NALF1: variants seen among roughly 807,000 people sequenced by gnomAD.
The protein encoded by NALF1 is family with sequence similarity 155 member A.
Under a neutral mutation model 48.4 loss-of-function variants are expected in NALF1, and 3 were observed. The observed-to-expected ratio is 0.06, with a 90% CI of 0.03 to 0.16. NALF1 has a LOEUF of 0.16. Ranked by LOEUF, NALF1 falls within the 10% of genes least tolerant of loss-of-function variation. The pLI, the probability that NALF1 is intolerant of heterozygous loss-of-function variation, is 1.00. For synonymous variants in NALF1, 262 were observed against 245.7 expected, an observed-to-expected ratio of 1.07 and a Z score of -0.62; for missense variants, 526 against 571.5, an observed-to-expected ratio of 0.92 and a Z score of 0.81.
chr13:107,192,643 A>G (rs557218221), intron 2 of NALF1, among the ~76,000 whole-genome samples: 1 of 139,516 alleles, frequency 7.2e-6, no homozygotes, highest in South Asian at 2.4e-4. Flanking sequence ...GTTGCCTTTA[A>G]CCATATCTAT....
At chr13:107,178,726 G>C (rs546615014) in intron 2 of NALF1, among the ~76,000 whole-genome samples, 1 of 152,124 alleles carries the variant, frequency 6.6e-6, no homozygotes, top group African/African-American at 2.4e-5. Flanking sequence ...GGCGGATCAC[G>C]AGGTCAGGAG....
At chr13:107,505,571 T>C (rs1875671273) in intron 1 of NALF1, among the ~76,000 whole-genome samples, 1 of 152,108 alleles carries the variant, frequency 6.6e-6, no homozygotes, top group Admixed American at 6.6e-5. Context: ...GAGAAAGTCA[T>C]GGATGACTGC....
intron 2 of NALF1, among the ~76,000 whole-genome samples, chr13:107,198,386 A>G (rs1419573178): frequency 6.6e-6 from 1 of 152,206 alleles, no homozygotes; most frequent in Non-Finnish European, 1.5e-5. Context: ...TTTACTTTAC[A>G]ATTAAAGACT....
intron 1 of NALF1, among the ~76,000 whole-genome samples, chr13:107,468,841 T>C (rs1411922821): frequency 2.6e-5 from 4 of 152,176 alleles, no homozygotes; most frequent in African/African-American, 9.6e-5. Flanking sequence ...ATAATTATTT[T>C]ATAGGTGTAT....
At chr13:107,205,908 T>C (rs1252039904) in intron 2 of NALF1, among the ~76,000 whole-genome samples, 3 of 152,000 alleles carry the variant, frequency 2.0e-5, no homozygotes, top group Non-Finnish European at 2.9e-5. Context: ...CAGGGGACTC[T>C]GGAATGAGGC....
intron 1 of NALF1, among the ~76,000 whole-genome samples, chr13:107,823,870 T>C (rs375038555): frequency 8.5e-5 from 13 of 152,270 alleles, no homozygotes; most frequent in South Asian, 4.1e-4. Flanking sequence ...ATGCGGATAA[T>C]AGTAATGCTT....
intron 1 of NALF1, among the ~76,000 whole-genome samples, chr13:107,629,064 CCA>C (rs1460023508): frequency 6.6e-6 from 1 of 152,148 alleles, no homozygotes; most frequent in Non-Finnish European, 1.5e-5. Flanking sequence ...ACTCTTACAA[CCA>C]CACAGTGTTG....
chr13:107,459,108 G>C (rs1459849805), intron 1 of NALF1, among the ~76,000 whole-genome samples: 1 of 151,228 alleles, frequency 6.6e-6, no homozygotes, highest in African/African-American at 2.4e-5. Context: ...ACCATTAAAA[G>C]AATAAGAAGA....
At chr13:107,855,402 T>C (rs960870729) in intron 1 of NALF1, among the ~76,000 whole-genome samples, 4 of 152,230 alleles carry the variant, frequency 2.6e-5, no homozygotes, top group Non-Finnish European at 5.9e-5. Context: ...AGTGTTAGTG[T>C]ATTTTATGTG....
At chr13:107,680,606 G>A (rs1594203286) in intron 1 of NALF1, among the ~76,000 whole-genome samples, 1 of 36,968 alleles carries the variant, frequency 2.7e-5, no homozygotes. Context: ...ATGTATGTGT[G>A]CACGAGTGAG....
At chr13:107,200,106 GAGA>G (rs1489857242) in intron 2 of NALF1, among the ~76,000 whole-genome samples, 1 of 152,312 alleles carries the variant, frequency 6.6e-6, no homozygotes, top group East Asian at 1.9e-4. Context: ...TCACCAAAAC[GAGA>G]AGGAGAGAGG....
intron 1 of NALF1, among the ~76,000 whole-genome samples, chr13:107,814,615 G>A (rs1024938314): frequency 2.0e-5 from 3 of 152,026 alleles, no homozygotes; most frequent in Non-Finnish European, 2.9e-5. Flanking sequence ...TGATAAAAGG[G>A]TCATCTCATC....
intron 1 of NALF1, among the ~76,000 whole-genome samples, chr13:107,674,111 C>T (rs981651528): frequency 3.4e-4 from 51 of 152,118 alleles, no homozygotes; most frequent in African/African-American, 1.2e-3. Flanking sequence ...ATCTGATTTC[C>T]TGGCTTTGCC....
intron 2 of NALF1, among the ~76,000 whole-genome samples, chr13:107,189,872 G>T (rs1879246703): frequency 6.6e-6 from 1 of 152,108 alleles, no homozygotes; most frequent in Non-Finnish European, 1.5e-5. Context: ...GTTACAGGAG[G>T]GTGTAAACAA....
At chr13:107,406,143 TCACACA>T (rs1883894322) in intron 1 of NALF1, among the ~76,000 whole-genome samples, 1 of 152,146 alleles carries the variant, frequency 6.6e-6, no homozygotes, top group African/African-American at 2.4e-5. Flanking sequence ...GAAAAGAACA[TCACACA>T]CTTCCTTTGT....
chr13:107,370,038 A>G (rs1261728888), intron 1 of NALF1, among the ~76,000 whole-genome samples: 3 of 152,230 alleles, frequency 2.0e-5, no homozygotes, highest in Non-Finnish European at 4.4e-5. Context: ...TGCAGTTAGA[A>G]TGCCATTCTT....
chr13:107,447,173 G>A (rs1884664147), intron 1 of NALF1, among the ~76,000 whole-genome samples: 1 of 151,902 alleles, frequency 6.6e-6, no homozygotes, highest in Non-Finnish European at 1.5e-5. Flanking sequence ...CTTCTCCTTG[G>A]CCTCCTCCTC....
At chr13:107,443,880 T>C (rs1282938464) in intron 1 of NALF1, among the ~76,000 whole-genome samples, 1 of 152,176 alleles carries the variant, frequency 6.6e-6, no homozygotes, top group East Asian at 1.9e-4. Context: ...TTCAAGCAGT[T>C]CTTCTGATAA....
At chr13:107,545,173 A>G (rs193181158) in intron 1 of NALF1, among the ~76,000 whole-genome samples, 4 of 152,214 alleles carry the variant, frequency 2.6e-5, no homozygotes, top group Admixed American at 2.6e-4. Flanking sequence ...GAGCATTCAC[A>G]TAAGATGAAG....
Sources: gnomAD v4.1 joint callset for allele counts (sites outside exome capture counted in the v4.1 genomes callset) on GRCh38, gnomAD v4.1.1 for gene constraint, MANE v1.5 for transcripts, NCBI Gene and HGNC (gene_info 2026-07-23, HGNC 2026-07-21) for gene names.